FSTL5: variants seen among roughly 807,000 people sequenced by gnomAD.
The protein encoded by FSTL5 is follistatin like 5.
A neutral mutation model predicts 89.1 loss-of-function variants in FSTL5; 62 were observed. That is an observed-to-expected ratio of 0.70 (90% CI 0.57 to 0.86). The LOEUF is 0.86. Ranked by LOEUF, FSTL5 falls within the 40% of genes least tolerant of loss-of-function variation. FSTL5 has a pLI of 0.00. For synonymous variants in FSTL5, 383 were observed against 346.2 expected (o/e 1.11, Z -1.18); for missense variants, 1,057 against 1,001.6 (o/e 1.06, Z -0.75).
chr4:161,851,723 T>C (rs1731557449), intron 4 of FSTL5, among the ~76,000 whole-genome samples: 1 of 144,698 alleles, frequency 6.9e-6, no homozygotes, highest in African/African-American at 2.6e-5. Context: ...GTTAGAGTCA[T>C]AGATATTTCC....
chr4:161,550,218 G>T (rs1317661442), intron 8 of FSTL5, among the ~76,000 whole-genome samples: 3 of 151,816 alleles, frequency 2.0e-5, no homozygotes, highest in Non-Finnish European at 4.4e-5. Flanking sequence ...AAAGCTCTAA[G>T]TACAAAAAGA....
At chr4:161,500,727 A>G (rs968985718) in intron 11 of FSTL5, among the ~76,000 whole-genome samples, 17 of 152,268 alleles carry the variant, frequency 1.1e-4, no homozygotes, top group Middle Eastern at 3.4e-3. Flanking sequence ...AAAACAAATT[A>G]AGGTATCTGA....
intron 8 of FSTL5, among the ~76,000 whole-genome samples, chr4:161,549,650 C>A (rs1352699091): frequency 2.6e-5 from 4 of 151,884 alleles, no homozygotes; most frequent in Non-Finnish European, 5.9e-5. Context: ...GACTCCAGTT[C>A]TCTGTCAAAA....
chr4:161,551,559 G>A (rs528209219), intron 8 of FSTL5, among the ~76,000 whole-genome samples: 20 of 151,896 alleles, frequency 1.3e-4, no homozygotes, highest in Admixed American at 4.6e-4. Context: ...CAAAACTGGA[G>A]GCATCATGAT....
intron 7 of FSTL5, among the ~76,000 whole-genome samples, chr4:161,639,131 G>T (rs1325231560): frequency 1.3e-5 from 2 of 151,996 alleles, no homozygotes; most frequent in Non-Finnish European, 1.5e-5. Context: ...TCAACATAGT[G>T]TTGGAATTCT....
Position 161,646,714 on chromosome 4 carries a change from C to A in FSTL5, c.894+9614G>T, listed in dbSNP as rs189440420. 3.2e-4 allele frequency among the ~76,000 whole-genome samples: 48 copies of A among 152,220 alleles called. 1 individual carries two copies. Among genetic ancestry groups the A allele is most frequent in the African/African-American group, 1.0e-3 (42 of 41,562 alleles). On this transcript the variant is annotated intron_variant, in intron 7 of 15. Coordinates refer to ENST00000306100, the MANE Select transcript of FSTL5 (RefSeq NM_020116.5). Reference sequence around the variant, plus strand: ...TTGTTTATTATCTGTCTGTGTTTTTCTCTTCAACAGAATGCCTTGCTTTAA... The same window carrying A: ...TTGTTTATTATCTGTCTGTGTTTTTATCTTCAACAGAATGCCTTGCTTTAA...
intron 10 of FSTL5, among the ~76,000 whole-genome samples, chr4:161,527,572 A>C (rs112976824): frequency 0.076 from 11,508 of 152,148 alleles, 542 homozygotes; most frequent in Middle Eastern, 0.16. Flanking sequence ...TATCAGAGAA[A>C]TGCAAATCAA....
intron 3 of FSTL5, among the ~76,000 whole-genome samples, chr4:162,011,896 T>G (rs959478143): frequency 6.6e-6 from 1 of 152,302 alleles, no homozygotes; most frequent in African/African-American, 2.4e-5. Context: ...TCCTAAAACC[T>G]GCTATTTATT....
intron 8 of FSTL5, among the ~76,000 whole-genome samples, chr4:161,572,342 A>AG (rs1733047556): frequency 6.8e-6 from 1 of 147,576 alleles, no homozygotes; most frequent in Non-Finnish European, 1.5e-5. Flanking sequence ...AAAAAAAAAA[A>AG]AAGAGAGAGA....
At position 161,542,682 on chromosome 4, in the gene FSTL5, T is replaced by G; in HGVS notation, c.1027A>C (p.Ile343Leu). The G allele has an allele frequency of 6.8e-7, 1 of 1,468,440 alleles. No individual in the cohort carries two copies. Among genetic ancestry groups the G allele is most frequent in the Non-Finnish European group, 9.1e-7 (1 of 1,104,580 alleles). 91.0% of individuals were successfully genotyped at this position (1,468,440 alleles called of 1,614,324 possible). The change falls in exon 9 of 16, where the codon ATC becomes CTC. Residue 343 changes from isoleucine (I) to leucine (L), a missense_variant. Physicochemically the swap from Ile to Leu is conservative, Grantham distance 5. This residue lies in a region of FSTL5 where 980 missense variants were observed against 903.2 expected (regional missense o/e 1.08). Transcript: ENST00000306100. ...GCCTGACTCTCTGGATACACCCGGATGACTGGAGGAACTAAAGGAAAAAAT... is the reference window on the plus strand; with the variant it reads ...GCCTGACTCTCTGGATACACCCGGAGGACTGGAGGAACTAAAGGAAAAAAT... The part of the protein sequence containing the change: ...HIFQVNVPPV[I>L]RVYPESQARE...
At chr4:161,695,506 TATCC>T (rs1351305342) in intron 6 of FSTL5, among the ~76,000 whole-genome samples, 1 of 151,876 alleles carries the variant, frequency 6.6e-6, no homozygotes, top group Non-Finnish European at 1.5e-5. Context: ...ACAGTTTCTT[TATCC>T]ACTTGTCGAT....
chr4:162,040,976 A>G (rs886385061), intron 2 of FSTL5, among the ~76,000 whole-genome samples: 11 of 152,074 alleles, frequency 7.2e-5, no homozygotes, highest in African/African-American at 2.4e-4. Flanking sequence ...AAGAGTGGAC[A>G]CTTTTCCAAC....
Position 161,481,020 on chromosome 4 carries a change from C to A in FSTL5, c.1608G>T (p.Gln536His). The change falls in exon 13 of 16, where the codon CAG becomes CAT. Residue 536 changes from glutamine to histidine, a missense_variant and splice_region_variant. By Grantham distance (24) the Gln-to-His change is conservative. This residue lies in a region of FSTL5 where 980 missense variants were observed against 903.2 expected (regional missense o/e 1.08). Coordinates refer to ENST00000306100, the MANE Select transcript of FSTL5 (RefSeq NM_020116.5). Reference sequence around the variant, plus strand: ...TTTAAAAAGTAGTAATTATTCATACCTGAACAACTTTTTGGGACTGCACAT... The same window carrying A: ...TTTAAAAAGTAGTAATTATTCATACATGAACAACTTTTTGGGACTGCACAT... Reference protein sequence around the residue: ...IVDVQSQKVVQAVSTDPVPVK... With the variant: ...IVDVQSQKVVHAVSTDPVPVK... 1 of 1,606,120 alleles carries A rather than the reference C, an allele frequency of 6.2e-7. No individual in the cohort carries two copies. The highest frequency in any genetic ancestry group is 8.5e-7 in the Non-Finnish European group (1 of 1,175,604).
intron 5 of FSTL5, among the ~76,000 whole-genome samples, chr4:161,768,971 A>C (rs1340508947): frequency 6.6e-6 from 1 of 151,972 alleles, no homozygotes; most frequent in Non-Finnish European, 1.5e-5. Context: ...AAGGAAAGAA[A>C]ACCAAAATAA....
At chr4:161,565,782 C>CACACACATAT in intron 8 of FSTL5, among the ~76,000 whole-genome samples, 1 of 145,062 alleles carries the variant, frequency 6.9e-6, no homozygotes, top group South Asian at 2.2e-4. Context: ...CACACACACA[C>CACACACATAT]ATATATATGA....
rs145438596 is a variant in FSTL5 at position 161,554,990 on chromosome 4, T to C, written c.1016-12297A>G. ...TTAACTTTGTCCCAAAGCAGTCTTT[T>C]TATATTCATGACTTTCACACTGCCT... On this transcript the variant is annotated intron_variant, in intron 8 of 15. Transcript: ENST00000306100. Among the ~76,000 whole-genome samples, 28 of 151,796 alleles carry C rather than the reference T, an allele frequency of 1.8e-4. No individual in the cohort carries two copies. The East Asian group carries it at 4.1e-3, about 22-fold the overall frequency.
chr4:161,460,353 ACATT>A (rs1733517787), intron 13 of FSTL5, among the ~76,000 whole-genome samples: 2 of 91,894 alleles, frequency 2.2e-5, no homozygotes, highest in East Asian at 6.9e-4. Context: ...CTTGTCATTT[ACATT>A]AGGTGTATCT....
chr4:162,115,544 A>C (rs892154534), intron 1 of FSTL5, among the ~76,000 whole-genome samples: 7 of 152,202 alleles, frequency 4.6e-5, no homozygotes, highest in African/African-American at 1.7e-4. Flanking sequence ...CACGTGACTA[A>C]AACAAACCAG....
chr4:161,989,323 A>C lies in FSTL5; in HGVS notation c.160+44302T>G, dbSNP rs372463630. On this transcript the variant is annotated intron_variant, in intron 3 of 15. Coordinates refer to ENST00000306100, the MANE Select transcript of FSTL5 (RefSeq NM_020116.5). ...AGAATAGGAAAGGTCAGCCCATTGTATTCCCAGTAATCAATATGCTTTGGA... is the reference window on the plus strand; with the variant it reads ...AGAATAGGAAAGGTCAGCCCATTGTCTTCCCAGTAATCAATATGCTTTGGA... 1.8e-3 allele frequency among the ~76,000 whole-genome samples: 276 copies of C among 152,266 alleles called. 7 individuals carry two copies. In the South Asian group the frequency reaches 0.052, roughly 29 times the overall value.
Sources: gnomAD v4.1 joint callset for allele counts (sites outside exome capture counted in the v4.1 genomes callset) on GRCh38, gnomAD v4.1.1 for gene constraint, gnomAD v4.1.1 regional missense constraint, MANE v1.5 for transcripts, NCBI Gene and HGNC (gene_info 2026-07-23, HGNC 2026-07-21) for gene names.